The following BCL2L13 variants were observed in gnomAD, a reference collection of about 807,000 sequenced individuals.
BCL2L13 encodes the protein bcl-2-like protein 13.
Under a neutral mutation model 25.8 loss-of-function variants are expected in BCL2L13, and 13 were observed. That is an observed-to-expected ratio of 0.50 (90% confidence interval 0.33 to 0.80). BCL2L13 has a LOEUF of 0.80. BCL2L13 is among the 30% of genes least tolerant of loss of function. The pLI is 0.02. For missense variants in BCL2L13, 504 were observed against 574.9 expected, an observed-to-expected ratio of 0.88 and a Z score of 1.26; for synonymous variants, 244 against 230.3, an observed-to-expected ratio of 1.06 and a Z score of -0.54.
intron 6 of BCL2L13, among the ~76,000 whole-genome samples, chr22:17,722,715 C>G (rs2061180528): frequency 6.6e-6 from 1 of 152,044 alleles, no homozygotes; most frequent in African/African-American, 2.4e-5. Context: ...AATTAGTTGT[C>G]AATTTCCATA....
rs926576713 is a variant in BCL2L13, at chr22:17,659,761, A to G, written c.121+3929A>G. Among the ~76,000 whole-genome samples, 12 of 140,270 alleles carry G rather than the reference A, an allele frequency of 8.6e-5. No individual in the cohort carries two copies. The East Asian group carries it at 2.3e-3, about 27-fold the overall frequency. The allele number at this position is 140,270 out of a possible 152,430, so 92.0% of individuals were successfully genotyped here. On this transcript the variant is annotated intron_variant, in intron 2 of 6. Transcript: ENST00000317582. The stretch of plus-strand genomic sequence containing the variant: ...AGTCTAGTTCTGAGAAGAGGTGAGC[A>G]TGATAATAATGATACTCCACTACAG...
chr22:17,654,122 T>C (rs757526052), intron 1 of BCL2L13, among the ~76,000 whole-genome samples: 11 of 152,174 alleles, frequency 7.2e-5, no homozygotes, highest in Admixed American at 2.0e-4. Flanking sequence ...GTTTTTGTTA[T>C]TGAGACAGGG....
chr22:17,672,322 G>A (rs979180097), intron 2 of BCL2L13, among the ~76,000 whole-genome samples: 11 of 152,184 alleles, frequency 7.2e-5, no homozygotes, highest in African/African-American at 2.2e-4. Context: ...CATAGATTTC[G>A]AAAGTATTTT....
intron 6 of BCL2L13, among the ~76,000 whole-genome samples, chr22:17,720,664 C>T (rs1006942337): frequency 6.7e-6 from 1 of 150,086 alleles, no homozygotes; most frequent in Non-Finnish European, 1.5e-5. Context: ...CGTGCCCGGC[C>T]TTAATTTTTT....
chr22:17,680,544 A>AAAAAAC (rs2059718101), intron 2 of BCL2L13, among the ~76,000 whole-genome samples: 1 of 138,486 alleles, frequency 7.2e-6, no homozygotes, highest in African/African-American at 2.8e-5. Context: ...AAAAAAAAGA[A>AAAAAAC]AAAAAGACTC....
upstream of BCL2L13, among the ~76,000 whole-genome samples, chr22:17,637,758 A>G (rs887246579): frequency 2.0e-5 from 3 of 152,068 alleles, no homozygotes; most frequent in Non-Finnish European, 4.4e-5. Context: ...TCCTTTCCTC[A>G]GTCACTCGGG....
At chr22:17,688,144 A>G (rs961889712) in intron 3 of BCL2L13, among the ~76,000 whole-genome samples, 1 of 151,842 alleles carries the variant, frequency 6.6e-6, no homozygotes, top group Non-Finnish European at 1.5e-5. Context: ...TTTAGTAGAG[A>G]TGTGGTTTTG....
At chr22:17,643,912 C>CTACA (rs2058380313) in intron 1 of BCL2L13, among the ~76,000 whole-genome samples, 9 of 149,588 alleles carry the variant, frequency 6.0e-5, no homozygotes, top group African/African-American at 2.2e-4. Context: ...GGCGCCCGGC[C>CTACA]AACTTTTTTA....
chr22:17,702,117 C>T (rs1257263793), intron 5 of BCL2L13, 126 bp from the exon 6 acceptor site: 4 of 773,210 alleles, frequency 5.2e-6, no homozygotes, highest in Admixed American at 6.2e-5. Context: ...GTTTTATTTC[C>T]TTTATATAAT....
At chr22:17,663,539 A>C (rs2059137147) in intron 2 of BCL2L13, among the ~76,000 whole-genome samples, 1 of 152,064 alleles carries the variant, frequency 6.6e-6, no homozygotes. Context: ...CAGTATATAC[A>C]GTTTTATGTA....
intron 3 of BCL2L13, among the ~76,000 whole-genome samples, chr22:17,685,310 C>G (rs1292596201): frequency 6.6e-6 from 1 of 152,138 alleles, no homozygotes; most frequent in Non-Finnish European, 1.5e-5. Flanking sequence ...ACTGCAACCT[C>G]CGACTTTAAG....
chr22:17,660,873 C>T (rs1475588644), intron 2 of BCL2L13, among the ~76,000 whole-genome samples: 2 of 146,248 alleles, frequency 1.4e-5, no homozygotes, highest in African/African-American at 2.4e-5. Context: ...CAACCTCCAC[C>T]TCCTGGGTTC....
chr22:17,668,508 A>G (rs1000534719), intron 2 of BCL2L13, among the ~76,000 whole-genome samples: 3 of 149,008 alleles, frequency 2.0e-5, no homozygotes, highest in African/African-American at 5.0e-5. Flanking sequence ...GCTGGAGTGC[A>G]GTGGTGCTGT....
chr22:17,656,744 A>T (rs2587077), intron 2 of BCL2L13, among the ~76,000 whole-genome samples: 21,223 of 152,088 alleles, frequency 0.14, 2,031 homozygotes, highest in Non-Finnish European at 0.21. Flanking sequence ...CTATTGTGTT[A>T]TACTTTCACT....
At chr22:17,723,655 C>T (rs1032533621) in intron 6 of BCL2L13, among the ~76,000 whole-genome samples, 2 of 152,178 alleles carry the variant, frequency 1.3e-5, no homozygotes, top group Non-Finnish European at 2.9e-5. Flanking sequence ...ATACCTCGGG[C>T]CGGGCGCGGT....
chr22:17,660,484 A>T (rs187839442), intron 2 of BCL2L13, among the ~76,000 whole-genome samples: 4 of 146,266 alleles, frequency 2.7e-5, no homozygotes, highest in African/African-American at 9.7e-5. Flanking sequence ...TAGTGATATG[A>T]TCTTGGCTCA....
chr22:17,662,443 A>T (rs1458834042), intron 2 of BCL2L13, among the ~76,000 whole-genome samples: 1 of 152,194 alleles, frequency 6.6e-6, no homozygotes, highest in Non-Finnish European at 1.5e-5. Context: ...GTGCCACTGC[A>T]CTCCAGCCTA....
At chr22:17,725,490 C>T (rs2061269983) in intron 6 of BCL2L13, among the ~76,000 whole-genome samples, 1 of 152,164 alleles carries the variant, frequency 6.6e-6, no homozygotes, top group Non-Finnish European at 1.5e-5. Flanking sequence ...CTGTGATCTC[C>T]CTGCTTTCTC....
At chr22:17,639,970 T>C (rs1477377458) in intron 1 of BCL2L13, among the ~76,000 whole-genome samples, 1 of 151,976 alleles carries the variant, frequency 6.6e-6, no homozygotes, top group Non-Finnish European at 1.5e-5. Flanking sequence ...TTCTCCTGCC[T>C]CAGCCTCCCG....
Sources: allele counts gnomAD v4.1 joint callset (sites outside exome capture counted in the v4.1 genomes callset), GRCh38; gene constraint gnomAD v4.1.1; transcripts MANE v1.5; gene names NCBI Gene and HGNC (gene_info 2026-07-23, HGNC 2026-07-21).